Variants in ARRB1 observed in about 807,000 individuals in gnomAD.
ARRB1 encodes the protein arrestin beta 1, also known as beta-arrestin-1.
In ARRB1, 21 loss-of-function variants were observed where a neutral mutation model predicts 56.8. The observed-to-expected ratio is 0.37, with a 90% CI of 0.26 to 0.53. The LOEUF (loss-of-function observed/expected upper bound fraction) is 0.53, where lower values mean the gene tolerates loss of function less well. Ranked by LOEUF, ARRB1 falls within the 20% of genes least tolerant of loss-of-function variation. The pLI is 0.88. For synonymous variants in ARRB1, 210 were observed against 218.6 expected (o/e 0.96, Z 0.35); for missense variants, 424 against 553.7 (o/e 0.77, Z 2.35).
intron 1 of ARRB1, chr11:75,312,109 A>G (rs1360367837): frequency 7.8e-7 from 1 of 1,289,106 alleles, no homozygotes; most frequent in East Asian, 5.6e-5. Flanking sequence ...CTCCTCTCCC[A>G]TCTCTTGCAG....
intron 1 of ARRB1, among the ~76,000 whole-genome samples, chr11:75,321,707 C>G (rs1264550512): frequency 6.6e-6 from 1 of 152,192 alleles, no homozygotes; most frequent in Non-Finnish European, 1.5e-5. Flanking sequence ...GCAGTGCCCA[C>G]CCCATCAGGT....
intron 1 of ARRB1, among the ~76,000 whole-genome samples, chr11:75,311,236 T>C (rs1345244162): frequency 1.3e-5 from 2 of 152,202 alleles, no homozygotes; most frequent in Non-Finnish European, 2.9e-5. Context: ...CTTGGGAAGC[T>C]GGGGCAGGAG....
At chr11:75,300,202 C>CAAAAAAAAAAAAA (rs10557397) in intron 1 of ARRB1, among the ~76,000 whole-genome samples, 1 of 87,326 alleles carries the variant, frequency 1.1e-5, no homozygotes, top group Non-Finnish European at 2.5e-5. Flanking sequence ...GACTCTGTCT[C>CAAAAAAAAAAAAA]AAAAAAAAAA....
chr11:75,334,155 C>T (rs1472701264), intron 1 of ARRB1, among the ~76,000 whole-genome samples: 3 of 152,140 alleles, frequency 2.0e-5, no homozygotes, highest in African/African-American at 7.2e-5. Flanking sequence ...CATGGTGAAA[C>T]CTCATCTATA....
chr11:75,295,957 G>A (rs1230959485), intron 1 of ARRB1, among the ~76,000 whole-genome samples: 1 of 152,096 alleles, frequency 6.6e-6, no homozygotes, highest in Non-Finnish European at 1.5e-5. Context: ...GGCTGAGGCG[G>A]GCGGATCACT....
rs957865151 is a variant in ARRB1 at position 75,262,978 on chromosome 11, G to C, written c.*3185C>G. On this transcript the variant is annotated 3_prime_UTR_variant, in exon 16 of 16. Coordinates refer to ENST00000420843, the MANE Select transcript of ARRB1 (RefSeq NM_004041.5). ...CTGGGTGGAATGCTGAGGAGGTCCC[G>C]CTGGCTCTCTGCTCGGTGGGTTTTC... Among the ~76,000 whole-genome samples the C allele has an allele frequency of 1.3e-5, 2 of 152,182 alleles. No homozygotes were observed. Among genetic ancestry groups the C allele is most frequent in the Non-Finnish European group, 2.9e-5 (2 of 68,028 alleles).
chr11:75,321,605 C>G (rs574192912), intron 1 of ARRB1, among the ~76,000 whole-genome samples: 3 of 152,162 alleles, frequency 2.0e-5, no homozygotes, highest in African/African-American at 7.2e-5. Context: ...TCCTAGTGAA[C>G]TGGTCTGCCT....
At chr11:75,275,271 C>T (rs1489765961) in intron 10 of ARRB1, among the ~76,000 whole-genome samples, 1 of 151,832 alleles carries the variant, frequency 6.6e-6, no homozygotes, top group African/African-American at 2.4e-5. Context: ...CTCAGCCTCC[C>T]AAGTAGCTGG....
rs778237471 is a variant in ARRB1, at chr11:75,283,434, A to C, written c.207T>G (p.Asp69Glu). ...CAFRYGREDLDVLGLTFRKDL... is the reference protein window; with the variant it reads ...CAFRYGREDLEVLGLTFRKDL... ...CCTTGCGAAAGGTCAGGCCCAGGAC[A>C]TCCAGGTCCTCCCGGCCATAGCGGA... is the stretch of plus-strand genomic sequence containing the variant. Residue 69 changes from aspartate to glutamate, a missense_variant, in exon 5 of 16, where the codon GAT (aspartate) becomes GAG (glutamate). By Grantham distance (45) the Asp-to-Glu change is conservative (BLOSUM62 2). Transcript: ENST00000420843. 6.2e-7 allele frequency: 1 copy of C among 1,614,012 alleles called. No homozygotes were observed. The highest frequency in any genetic ancestry group is 8.5e-7 in the Non-Finnish European group (1 of 1,179,890).
chr11:75,324,828 AAGG>A (rs1947404859), intron 1 of ARRB1, among the ~76,000 whole-genome samples: 1 of 152,130 alleles, frequency 6.6e-6, no homozygotes, highest in Non-Finnish European at 1.5e-5. Flanking sequence ...CTGTTTTTAA[AAGG>A]AGAAGAGAGC....
At chr11:75,349,171 G>C (rs1438346294) in intron 1 of ARRB1, among the ~76,000 whole-genome samples, 1 of 152,170 alleles carries the variant, frequency 6.6e-6, no homozygotes, top group Non-Finnish European at 1.5e-5. Flanking sequence ...GGACAGAAAG[G>C]CCTCATGGGG....
intron 10 of ARRB1, among the ~76,000 whole-genome samples, chr11:75,275,116 A>ATATTTT (rs1257066994): frequency 2.2e-4 from 12 of 53,650 alleles, no homozygotes; most frequent in African/African-American, 8.3e-4. Flanking sequence ...AAACAAATTT[A>ATATTTT]ATTTAAATTT....
In ARRB1 at chr11:75,277,409, C is replaced by T. The variant is rs370469526; in HGVS notation, c.658G>A (p.Val220Ile). The T allele has an allele frequency of 4.6e-5, 75 of 1,614,126 alleles. No individual in the cohort carries two copies. Among genetic ancestry groups the T allele is most frequent in the African/African-American group, 3.5e-4 (26 of 75,036 alleles). Residue 220 changes from valine to isoleucine, a missense_variant, in exon 9 of 16, where the codon GTC becomes ATC. This residue lies in a region of ARRB1 where 301 missense variants were observed against 387.9 expected (regional missense o/e 0.78). Transcript: ENST00000420843. ...ACCGTCTTGTTGGTGTTGTTGGTGA[C>T]GTGGACGTTGACGCTGATGGGTTCT... is the stretch of plus-strand genomic sequence containing the variant. Reference protein sequence around the residue: ...HGEPISVNVHVTNNTNKTVKK... With the variant: ...HGEPISVNVHITNNTNKTVKK...
At chr11:75,266,551 G>A (rs149633565) in intron 15 of ARRB1, among the ~76,000 whole-genome samples, 1 of 152,310 alleles carries the variant, frequency 6.6e-6, no homozygotes, top group East Asian at 1.9e-4. Context: ...TGTGCCTGAG[G>A]GCTAGAAAAG....
Position 75,287,204 on chromosome 11 carries a change from A to G in ARRB1, c.112+111T>C, listed in dbSNP as rs1327584013. 5 of 1,145,292 alleles carry G rather than the reference A, an allele frequency of 4.4e-6. No individual in the cohort carries two copies. In the Admixed American group the frequency reaches 1.3e-4, roughly 29 times the overall value. 70.9% of individuals were successfully genotyped at this position (1,145,292 alleles called of 1,614,324 possible). Reference sequence around the variant, plus strand: ...TGCTTGCTGCCTGAAGCAGGAAGCCATTCACCCCCGTTCTTGGCACCGGGC... The same window carrying G: ...TGCTTGCTGCCTGAAGCAGGAAGCCGTTCACCCCCGTTCTTGGCACCGGGC... On this transcript the variant is annotated intron_variant, in intron 3 of 15. Coordinates refer to ENST00000420843, the MANE Select transcript of ARRB1 (RefSeq NM_004041.5).
chr11:75,271,748 A>T (rs1565104854), intron 12 of ARRB1, 24 bp from the exon 13 acceptor site: 17 of 1,568,020 alleles, frequency 1.1e-5, no homozygotes, highest in Non-Finnish European at 1.5e-5. Flanking sequence ...AGGAGGCAGG[A>T]GAAGTGGTCA....
At chr11:75,269,086 G>T in intron 13 of ARRB1, 127 bp from the exon 14 acceptor site, 2 of 984,154 alleles carry the variant, frequency 2.0e-6, no homozygotes, top group Non-Finnish European at 3.2e-6. Flanking sequence ...TCCAAAAGAT[G>T]CCCTCCAGCC....
Position 75,302,686 on chromosome 11 carries a change from G to A in ARRB1, c.21-12647C>T, listed in dbSNP as rs529740947. Reference sequence around the variant, plus strand: ...CAGCTTCCTTCGCCTAGAGAATGGGGATAATATCCACCCCATAGGCTGGGG... The same window carrying A: ...CAGCTTCCTTCGCCTAGAGAATGGGAATAATATCCACCCCATAGGCTGGGG... On this transcript the variant is annotated intron_variant, in intron 1 of 15. Coordinates refer to ENST00000420843, the MANE Select transcript of ARRB1 (RefSeq NM_004041.5). Among the ~76,000 whole-genome samples the A allele has an allele frequency of 2.6e-5, 4 of 152,274 alleles. No individual in the cohort carries two copies. In the East Asian group the frequency reaches 5.8e-4, roughly 22 times the overall value.
chr11:75,285,913 G>T (rs1356374945), intron 3 of ARRB1, among the ~76,000 whole-genome samples: 1 of 152,214 alleles, frequency 6.6e-6, no homozygotes, highest in Non-Finnish European at 1.5e-5. Flanking sequence ...AGCCACAGAT[G>T]AACACCAGGA....
Sources: gnomAD v4.1 joint callset for allele counts (sites outside exome capture counted in the v4.1 genomes callset) on GRCh38, gnomAD v4.1.1 for gene constraint, gnomAD v4.1.1 regional missense constraint, MANE v1.5 for transcripts, NCBI Gene and HGNC (gene_info 2026-07-23, HGNC 2026-07-21) for gene names.